Variants in ZPBP2 observed in about 807,000 individuals in gnomAD.
ZPBP2 encodes zona pellucida-binding protein 2.
In ZPBP2, 34 loss-of-function variants were observed where a neutral mutation model predicts 37.5. The observed-to-expected ratio is 0.91, with a 90% CI of 0.69 to 1.21. The LOEUF (loss-of-function observed/expected upper bound fraction) is 1.21. Ranked by LOEUF, ZPBP2 falls within the 50% of genes most tolerant of loss-of-function variation. The pLI, the probability that ZPBP2 is intolerant of heterozygous loss-of-function variation, is 0.00. For missense variants in ZPBP2, 397 were observed against 413.5 expected (o/e 0.96, Z 0.35); for synonymous variants, 143 against 138.4 (o/e 1.03, Z -0.23).
Position 39,875,286 on chromosome 17 carries a change from C to G in ZPBP2, c.741C>G (p.Ser247Arg), listed in dbSNP as rs146016252. 9 of 1,611,062 alleles carry G rather than the reference C, an allele frequency of 5.6e-6. No individual in the cohort carries two copies. The highest frequency in any genetic ancestry group is 6.8e-6 in the Non-Finnish European group (8 of 1,179,108). ...ARDRIEDFFRSQAYIFYHNFN... is the reference protein window; with the variant it reads ...ARDRIEDFFRRQAYIFYHNFN... Reference sequence around the variant, plus strand: ...ATCGAATAGAAGACTTTTTTCGGAGCCAAGCATATATTTTCTACCATAACT... The same window carrying G: ...ATCGAATAGAAGACTTTTTTCGGAGGCAAGCATATATTTTCTACCATAACT... Residue 247 changes from serine to arginine, a missense_variant, in exon 7 of 8, where the codon AGC becomes AGG. By Grantham distance (110) the Ser-to-Arg change is moderately radical. Transcript: ENST00000348931.
intron 7 of ZPBP2, 138 bp downstream of exon 7, chr17:39,875,572 A>C (rs1271054646): frequency 4.1e-6 from 3 of 728,474 alleles, no homozygotes; most frequent in East Asian, 6.7e-5. Flanking sequence ...AGCTAAAAGG[A>C]AGTAAAAATT....
At position 39,868,616 on chromosome 17, in the gene ZPBP2, T is replaced by TA; in HGVS notation, c.118+4dup. ...TTTATGGCAAGACAGGACAGCCAGG[T>TA]AATAAGGGCCTCTGCACACGCGGGC... On this transcript the variant is annotated splice_region_variant and intron_variant, in intron 2 of 7. Transcript: ENST00000348931. 1 of 1,614,122 alleles carries TA rather than the reference T, an allele frequency of 6.2e-7. No homozygotes were observed. Among genetic ancestry groups the TA allele is most frequent in the Non-Finnish European group, 8.5e-7 (1 of 1,180,020 alleles).
At chr17:39,871,704 A>G (rs2063365440) in intron 4 of ZPBP2, 79 bp downstream of exon 4, 1 of 1,246,702 alleles carries the variant, frequency 8.0e-7, no homozygotes, top group African/African-American at 1.5e-5. Context: ...TTTAATGAAA[A>G]TGAGTCTGTA....
intron 3 of ZPBP2, 24 bp from the exon 4 acceptor site, chr17:39,871,440 T>G: frequency 2.0e-6 from 3 of 1,496,810 alleles, no homozygotes; most frequent in Non-Finnish European, 2.7e-6. Flanking sequence ...ATATGTTAAA[T>G]AAGTAATTTA....
intron 5 of ZPBP2, 100 bp from the exon 6 acceptor site, chr17:39,872,942 CAT>C: frequency 1.1e-6 from 1 of 946,608 alleles, no homozygotes; most frequent in East Asian, 2.6e-5. Context: ...CTGGACTAAA[CAT>C]GTGCCTGCAT....
At position 39,875,358 on chromosome 17, in the gene ZPBP2, A is replaced by G. The variant is rs769610832; in HGVS notation, c.813A>G (p.Gln271=). The G allele has an allele frequency of 1.2e-5, 19 of 1,614,042 alleles. No individual in the cohort carries two copies. Among genetic ancestry groups the G allele is most frequent in the Admixed American group, 1.7e-5 (1 of 60,002 alleles). The change falls in exon 7 of 8, where the codon CAA becomes CAG. Residue 271 remains glutamine (Q), a synonymous_variant. Transcript: ENST00000348931. ...PAMHFVDHSL[Q]VVRLDSCRPG... is the part of the protein sequence containing the mutation. ...TGCATTTTGTGGACCACAGTTTGCAAGTAGTACGTCTGGATAGCTGTCGAC... is the reference window on the plus strand; with the variant it reads ...TGCATTTTGTGGACCACAGTTTGCAGGTAGTACGTCTGGATAGCTGTCGAC...
Position 39,871,452 on chromosome 17 carries a change from T to C in ZPBP2, c.245-12T>C, listed in dbSNP as rs1404462924. The stretch of plus-strand genomic sequence containing the variant: ...GTTATATGTTAAATAAGTAATTTAC[T>C]ATTCTGTTTAGGAAATAATAGAATA... On this transcript the variant is annotated splice_polypyrimidine_tract_variant and intron_variant, in intron 3 of 7. Coordinates refer to ENST00000348931, the MANE Select transcript of ZPBP2 (RefSeq NM_199321.3). The C allele has an allele frequency of 6.5e-7, 1 of 1,532,518 alleles. No homozygotes were observed. Among genetic ancestry groups the C allele is most frequent in the African/African-American group, 1.4e-5 (1 of 71,572 alleles). The allele number at this position is 1,532,518 out of a possible 1,614,324, so 94.9% of individuals were successfully genotyped here.
In ZPBP2 at chr17:39,875,317, A is replaced by G; in HGVS notation, c.772A>G (p.Lys258Glu). 1 of 1,614,056 alleles carries G rather than the reference A, an allele frequency of 6.2e-7. No individual in the cohort carries two copies. Among genetic ancestry groups the G allele is most frequent in the African/African-American group, 1.3e-5 (1 of 75,054 alleles). ...ATATATTTTCTACCATAACTTTAAT[A>G]AAACTCTACCAGCAATGCATTTTGT... Reference protein sequence around the residue: ...QAYIFYHNFNKTLPAMHFVDH... With the variant: ...QAYIFYHNFNETLPAMHFVDH... The change falls in exon 7 of 8, where the codon AAA (lysine) becomes GAA (glutamate). Residue 258 changes from lysine (K) to glutamate (E), a missense_variant. Physicochemically the swap from Lys to Glu is moderately conservative, Grantham distance 56. Transcript: ENST00000348931.
At position 39,868,542 on chromosome 17, in the gene ZPBP2, T is replaced by C; in HGVS notation, c.53-7T>C. 6.2e-7 allele frequency: 1 copy of C among 1,614,124 alleles called. No individual in the cohort carries two copies. The highest frequency in any genetic ancestry group is 1.6e-4 in the Middle Eastern group (1 of 6,062). On this transcript the variant is annotated splice_polypyrimidine_tract_variant and splice_region_variant and intron_variant, in intron 1 of 7. Transcript: ENST00000348931. ...AACTAAAAGTCAGTGTTTTATTTCC[T>C]CCGCAGTCCAATGCCCGCGTTTTAC...
intron 7 of ZPBP2, 66 bp downstream of exon 7, chr17:39,875,500 A>G: frequency 8.8e-7 from 1 of 1,136,412 alleles, no homozygotes; most frequent in Non-Finnish European, 1.2e-6. Flanking sequence ...TAAGTAATTC[A>G]CTTGGCATAA....
intron 7 of ZPBP2, 126 bp downstream of exon 7, chr17:39,875,560 T>A: frequency 1.3e-6 from 1 of 774,936 alleles, no homozygotes; most frequent in Non-Finnish European, 1.8e-6. Flanking sequence ...ATATATATAT[T>A]TAGCTAAAAG....
rs904007074 is a variant in ZPBP2, at chr17:39,868,332, C to A, written c.-23C>A. On this transcript the variant is annotated 5_prime_UTR_variant, in exon 1 of 8. Transcript: ENST00000348931. ...GGAGGGAGTCTGTCCCTCGACGCCT[C>A]CTGCGACGCCAGCCCCTGAGCGATG... 1.2e-6 allele frequency: 2 copies of A among 1,606,108 alleles called. No homozygotes were observed. The highest frequency in any genetic ancestry group is 2.7e-5 in the African/African-American group (2 of 74,904).
chr17:39,872,276 G>T lies in ZPBP2; in HGVS notation c.413G>T (p.Arg138Leu). Reference sequence around the variant, plus strand: ...CTTTCTTTTTTTTTTAAAGCCTATCGGGAACCTGATTATTCATATCAGATG... The same window carrying T: ...CTTTCTTTTTTTTTTAAAGCCTATCTGGAACCTGATTATTCATATCAGATG... ...KRYDFMVFAY[R>L]EPDYSYQMAV... is the part of the protein sequence containing the mutation. The change falls in exon 5 of 8, where the codon CGG becomes CTG. Residue 138 changes from arginine (R) to leucine (L), a missense_variant. By Grantham distance (102) the Arg-to-Leu change is moderately radical (BLOSUM62 -2). Transcript: ENST00000348931. The T allele has an allele frequency of 1.3e-6, 2 of 1,583,594 alleles. No homozygotes were observed. The highest frequency in any genetic ancestry group is 2.3e-5 in the East Asian group (1 of 44,100).
chr17:39,871,985 A>G (rs532674446), intron 4 of ZPBP2, among the ~76,000 whole-genome samples: 168 of 152,238 alleles, frequency 1.1e-3, no homozygotes, highest in Admixed American at 4.2e-3. Flanking sequence ...GGCCCTCCCC[A>G]AAAAGTCTTT....
chr17:39,875,548 AT>A (rs1366166480), intron 7 of ZPBP2, 114 bp downstream of exon 7: 100 of 837,550 alleles, frequency 1.2e-4, no homozygotes, highest in Non-Finnish European at 1.4e-4. Flanking sequence ...TTACCAAAAA[AT>A]ATATATATAT....
chr17:39,874,394 GC>G (rs1249033926), intron 6 of ZPBP2, among the ~76,000 whole-genome samples: 1 of 152,072 alleles, frequency 6.6e-6, no homozygotes, highest in Non-Finnish European at 1.5e-5. Flanking sequence ...GATAGACATT[GC>G]AAATAATTCA....
At chr17:39,871,715 A>T in intron 4 of ZPBP2, 90 bp downstream of exon 4, 1 of 1,105,614 alleles carries the variant, frequency 9.0e-7, no homozygotes, top group Non-Finnish European at 1.2e-6. Flanking sequence ...TGAGTCTGTA[A>T]TAGGTGACTG....
At chr17:39,876,329 G>A (rs899431658) in intron 7 of ZPBP2, among the ~76,000 whole-genome samples, 1 of 152,090 alleles carries the variant, frequency 6.6e-6, no homozygotes, top group African/African-American at 2.4e-5. Flanking sequence ...ACTGTACAAT[G>A]AAGGAAAACA....
chr17:39,868,416 C>T lies in ZPBP2; in HGVS notation c.52+10C>T. ...TGGTGCCTCACAGGAGGTGGGGCTC[C>T]CTCCACCCGGTCCCCAGGCCTCTCC... On this transcript the variant is annotated intron_variant, in intron 1 of 7. Transcript: ENST00000348931. 1.2e-6 allele frequency: 2 copies of T among 1,611,152 alleles called. No individual in the cohort carries two copies. Among genetic ancestry groups the T allele is most frequent in the South Asian group, 1.1e-5 (1 of 91,080 alleles).
Sources: gnomAD v4.1 joint callset for allele counts (sites outside exome capture counted in the v4.1 genomes callset) on GRCh38, gnomAD v4.1.1 for gene constraint, MANE v1.5 for transcripts, NCBI Gene and HGNC (gene_info 2026-07-23, HGNC 2026-07-21) for gene names.